Variants in NCAPD2 observed in about 807,000 individuals in gnomAD.
NCAPD2 encodes non-SMC condensin I complex subunit D2.
In NCAPD2, 100 loss-of-function variants were observed where a neutral mutation model predicts 164.5. The ratio of observed to expected loss-of-function variants is 0.61; its 90% CI spans 0.52 to 0.72. The LOEUF (loss-of-function observed/expected upper bound fraction) is 0.72, where lower values mean the gene tolerates loss of function less well. NCAPD2 is among the 30% of genes least tolerant of loss of function. NCAPD2 has a pLI of 0.00. For missense variants in NCAPD2, 1,560 were observed against 1,749.2 expected (o/e 0.89, Z 1.93); for synonymous variants, 585 against 642.6 (o/e 0.91, Z 1.36).
At chr12:6,494,719 T>A (rs1381593209) in intron 1 of NCAPD2, among the ~76,000 whole-genome samples, 1 of 152,242 alleles carries the variant, frequency 6.6e-6, no homozygotes, top group African/African-American at 2.4e-5. Flanking sequence ...ACCTTCGTAC[T>A]GCTTGATTTG....
At chr12:6,515,017 A>C in intron 9 of NCAPD2, 97 bp downstream of exon 9, 1 of 1,347,108 alleles carries the variant, frequency 7.4e-7, no homozygotes. Flanking sequence ...TAGCTTTGAC[A>C]AGTTGTCTAG....
At chr12:6,518,508 T>TTGTTTTTTG (rs796161815) in intron 13 of NCAPD2, among the ~76,000 whole-genome samples, 11 of 91,142 alleles carry the variant, frequency 1.2e-4, no homozygotes, top group South Asian at 4.4e-4. Flanking sequence ...CAACAAGTTT[T>TTGTTTTTTG]TTTTTTTTTT....
intron 2 of NCAPD2, among the ~76,000 whole-genome samples, chr12:6,497,390 C>A (rs1945994131): frequency 6.6e-6 from 1 of 151,764 alleles, no homozygotes. Context: ...CACCTATCAA[C>A]CCATCACCTG....
chr12:6,516,835 TG>T lies in NCAPD2; in HGVS notation c.996del (p.Met332IlefsTer68). On this transcript the variant is annotated frameshift_variant, in exon 10 of 32. Coordinates refer to ENST00000315579, the MANE Select transcript of NCAPD2 (RefSeq NM_014865.4). LOFTEE classifies it high-confidence loss of function. ...LLDHLDGENY[M>X]MRNAVLAAMA... ...TATGCTTCTCTCTCTTAGAATTACA[TG>T]ATGCGTAATGCTGTGCTGGCAGCCA... 6.2e-7 allele frequency: 1 copy of T among 1,614,118 alleles called. No homozygotes were observed. Among genetic ancestry groups the T allele is most frequent in the Non-Finnish European group, 8.5e-7 (1 of 1,179,990 alleles).
chr12:6,505,160 G>A (rs552930532), intron 2 of NCAPD2, among the ~76,000 whole-genome samples: 10 of 152,244 alleles, frequency 6.6e-5, no homozygotes, highest in South Asian at 4.1e-4. Flanking sequence ...CCGCCTCCCC[G>A]GGTTCAAGCG....
intron 16 of NCAPD2, 77 bp from the exon 17 acceptor site, chr12:6,523,184 TG>T: frequency 6.7e-7 from 1 of 1,502,294 alleles, no homozygotes; most frequent in Non-Finnish European, 9.2e-7. Context: ...AGCACTGTGG[TG>T]GGATAGCCCT....
Position 6,525,286 on chromosome 12 carries a change from C to T in NCAPD2, c.2215-297C>T, listed in dbSNP as rs145376416. On this transcript the variant is annotated intron_variant, in intron 17 of 31. Coordinates refer to ENST00000315579, the MANE Select transcript of NCAPD2 (RefSeq NM_014865.4). ...GTTGGACATGTTGAGTTTGTGGTAA[C>T]GGCAAGAAAACCTGTTAGAAATCTC... is the stretch of plus-strand genomic sequence containing the variant. 6.7e-3 allele frequency among the ~76,000 whole-genome samples: 1,018 copies of T among 152,188 alleles called. 12 individuals carry two copies. The highest frequency in any genetic ancestry group is 0.022 in the African/African-American group (920 of 41,518).
At chr12:6,509,659 A>G (rs1342532205) in intron 2 of NCAPD2, 58 bp from the exon 3 acceptor site, 7 of 1,497,604 alleles carry the variant, frequency 4.7e-6, no homozygotes, top group Non-Finnish European at 5.6e-6. Flanking sequence ...CCATGGATAG[A>G]ATTTACTGAA....
rs1026485561 is a variant in NCAPD2, at chr12:6,523,470, T to G, written c.2214+124T>G. The G allele has an allele frequency of 5.3e-6, 4 of 760,240 alleles. No individual in the cohort carries two copies. The African/African-American group carries it at 5.4e-5, about 10-fold the overall frequency. 47.1% of individuals were successfully genotyped at this position (760,240 alleles called of 1,614,324 possible). A position where few individuals can be genotyped will look rare whatever the true frequency, so the allele number is the denominator to read the frequency against. The stretch of plus-strand genomic sequence containing the variant: ...TGGAGTGCAATGGCACAATCTTGGC[T>G]CACTGCAACCTCCGCCTCCCAGGTT... On this transcript the variant is annotated intron_variant, in intron 17 of 31. Coordinates refer to ENST00000315579, the MANE Select transcript of NCAPD2 (RefSeq NM_014865.4).
chr12:6,503,973 G>A (rs1327560050), intron 2 of NCAPD2, among the ~76,000 whole-genome samples: 3 of 151,550 alleles, frequency 2.0e-5, no homozygotes, highest in African/African-American at 7.3e-5. Flanking sequence ...GCGAGACTCC[G>A]TCTCAAAAAT....
At chr12:6,509,836 T>C (rs1451172436) in intron 3 of NCAPD2, 44 bp downstream of exon 3, 2 of 1,588,184 alleles carry the variant, frequency 1.3e-6, no homozygotes, top group East Asian at 2.2e-5. Context: ...AACTGGTGAC[T>C]GTTTGTCCTA....
chr12:6,518,126 A>C (rs1946221545), intron 13 of NCAPD2, 167 bp downstream of exon 13: 3 of 589,600 alleles, frequency 5.1e-6, no homozygotes, highest in Non-Finnish European at 8.8e-6. Flanking sequence ...CTAGTCCACA[A>C]TTAAGCATGT....
chr12:6,529,255 G>A, intron 27 of NCAPD2: 2 of 611,968 alleles, frequency 3.3e-6, no homozygotes, highest in Admixed American at 5.8e-5. Context: ...TCCTAACATG[G>A]TGGCAGACAT....
In NCAPD2 at chr12:6,527,968, GCAAA is replaced by G; in HGVS notation, c.3023_3026del (p.Lys1008ArgfsTer38). 6.2e-7 allele frequency: 1 copy of G among 1,614,210 alleles called. No homozygotes were observed. The highest frequency in any genetic ancestry group is 8.5e-7 in the Non-Finnish European group (1 of 1,180,034). On this transcript the variant is annotated frameshift_variant and splice_region_variant, in exon 24 of 32. Transcript: ENST00000315579. LOFTEE classifies it high-confidence loss of function. ...AAACCTGCAGTTACTCTTCCAACAG[GCAAA>G]CAGACACTGGCTGCCTTTGTTCCAC...
intron 6 of NCAPD2, among the ~76,000 whole-genome samples, chr12:6,512,733 G>C (rs901186866): frequency 6.6e-5 from 10 of 152,198 alleles, no homozygotes; most frequent in Non-Finnish European, 1.0e-4. Context: ...GGAGGGAAAG[G>C]GGAAGCAAGA....
intron 27 of NCAPD2, 33 bp from the exon 28 acceptor site, chr12:6,529,480 G>A (rs769047428): frequency 2.5e-6 from 4 of 1,596,166 alleles, no homozygotes; most frequent in Non-Finnish European, 3.4e-6. Flanking sequence ...CTGGCCCTGG[G>A]CCATCGAACA....
Position 6,494,137 on chromosome 12 carries a change from C to G in NCAPD2, c.-41C>G, listed in dbSNP as rs1945952526. On this transcript the variant is annotated 5_prime_UTR_variant, in exon 1 of 32. Transcript: ENST00000315579. ...TCAGCCTGACTGCCGGAATCAGAGC[C>G]GCGGGTGAGATCCCCAGGTAAGATG... 6.6e-6 allele frequency: 1 copy of G among 152,306 alleles called. No individual in the cohort carries two copies. Among genetic ancestry groups the G allele is most frequent in the Non-Finnish European group, 1.5e-5 (1 of 68,094 alleles). The allele number at this position is 152,306 out of a possible 1,614,324, so 9.4% of individuals were successfully genotyped here.
chr12:6,528,372 G>C lies in NCAPD2; in HGVS notation c.3299+44G>C. The C allele has an allele frequency of 6.2e-7, 1 of 1,610,142 alleles. No individual in the cohort carries two copies. The highest frequency in any genetic ancestry group is 8.5e-7 in the Non-Finnish European group (1 of 1,178,090). On this transcript the variant is annotated intron_variant, in intron 25 of 31. Coordinates refer to ENST00000315579, the MANE Select transcript of NCAPD2 (RefSeq NM_014865.4). The surrounding 1 kb of genome is among the most constrained non-coding windows in gnomAD (Gnocchi z 5.1). ...CGTGGTGGCAGTTCCCAGGAGCCCC[G>C]GAGTCTGTTGAGAGTCAGTGTGAGA...
intron 16 of NCAPD2, 117 bp downstream of exon 16, chr12:6,523,119 G>A: frequency 6.9e-7 from 1 of 1,444,922 alleles, no homozygotes; most frequent in Admixed American, 1.9e-5. Flanking sequence ...TCCATAGGCA[G>A]TCCATCATAG....
Sources: gnomAD v4.1 joint callset for allele counts (sites outside exome capture counted in the v4.1 genomes callset) on GRCh38, gnomAD v4.1.1 for gene constraint, Gnocchi (gnomAD v3.1) non-coding constraint, MANE v1.5 for transcripts, NCBI Gene and HGNC (gene_info 2026-07-23, HGNC 2026-07-21) for gene names.